Variants in ATP10B observed in about 807,000 individuals in gnomAD.
The protein encoded by ATP10B is ATPase phospholipid transporting 10B (putative), also known as phospholipid-transporting ATPase VB.
Under a neutral mutation model 141.2 loss-of-function variants are expected in ATP10B, and 122 were observed. The observed-to-expected ratio is 0.86, with a 90% CI of 0.75 to 1.00. ATP10B has a LOEUF of 1.00. Ranked by LOEUF, ATP10B falls within the 50% of genes least tolerant of loss-of-function variation. ATP10B has a pLI of 0.00. For synonymous variants in ATP10B, 685 were observed against 692.0 expected, an observed-to-expected ratio of 0.99 and a Z score of 0.16; for missense variants, 1,876 against 1,825.3, an observed-to-expected ratio of 1.03 and a Z score of -0.51.
intron 2 of ATP10B, 93 bp downstream of exon 2, chr5:160,785,466 G>A (rs1476578071): frequency 2.9e-6 from 1 of 342,930 alleles, no homozygotes; most frequent in East Asian, 8.7e-5. Flanking sequence ...TAGACTCAGA[G>A]GGTACATGTG....
intron 5 of ATP10B, 50 bp downstream of exon 5, chr5:160,687,750 A>G (rs1471363704): frequency 2.5e-6 from 4 of 1,570,428 alleles, no homozygotes; most frequent in Non-Finnish European, 2.6e-6. Flanking sequence ...GGGGAACAGA[A>G]TGAGACTCTT....
chr5:160,828,429 T>G (rs1197837767), intron 1 of ATP10B, among the ~76,000 whole-genome samples: 15 of 152,218 alleles, frequency 9.9e-5, no homozygotes, highest in Admixed American at 9.2e-4. Context: ...AAGAAGACAT[T>G]GATGCAGCCA....
At chr5:160,595,128 C>T in intron 22 of ATP10B, among the ~76,000 whole-genome samples, 1 of 152,122 alleles carries the variant, frequency 6.6e-6, no homozygotes, top group Non-Finnish European at 1.5e-5. Context: ...CAAAACTGAC[C>T]ACATAGTTGG....
the ATP10B span, among the ~76,000 whole-genome samples, chr5:160,857,339 A>G: frequency 1.3e-5 from 2 of 150,916 alleles, no homozygotes; most frequent in Non-Finnish European, 3.0e-5. Context: ...AGTTGTCTAT[A>G]TTATTTTCTT....
chr5:160,603,212 A>G (rs1421421537), intron 20 of ATP10B: 1 of 156,020 alleles, frequency 6.4e-6, no homozygotes, highest in African/African-American at 2.4e-5. Flanking sequence ...TTTTAAAAAC[A>G]TGAACACTGA....
chr5:160,595,744 T>C (rs984499729), intron 22 of ATP10B, among the ~76,000 whole-genome samples: 13 of 149,302 alleles, frequency 8.7e-5, no homozygotes, highest in African/African-American at 3.2e-4. Context: ...CAAACTACCA[T>C]CAGAAAATAC....
intron 2 of ATP10B, among the ~76,000 whole-genome samples, chr5:160,767,482 G>C (rs1262384630): frequency 2.0e-5 from 3 of 152,040 alleles, no homozygotes; most frequent in Non-Finnish European, 4.4e-5. Context: ...GCTATTTAAT[G>C]GTAATTCTGC....
chr5:160,593,612 C>T (rs1289101648), intron 22 of ATP10B, among the ~76,000 whole-genome samples: 1 of 152,112 alleles, frequency 6.6e-6, no homozygotes, highest in Admixed American at 6.5e-5. Context: ...CAAACTACTC[C>T]GAGCTACAGG....
intron 1 of ATP10B, among the ~76,000 whole-genome samples, chr5:160,803,922 C>T (rs1265904390): frequency 7.0e-6 from 1 of 143,634 alleles, no homozygotes; most frequent in African/African-American, 2.5e-5. Context: ...AGGAGGTCAA[C>T]ACAGATTTTT....
chr5:160,581,717 T>G (rs578205532), intron 24 of ATP10B, among the ~76,000 whole-genome samples: 1 of 152,306 alleles, frequency 6.6e-6, no homozygotes, highest in South Asian at 2.1e-4. Context: ...TAATATTCTG[T>G]CTTGTTGATC....
intron 2 of ATP10B, among the ~76,000 whole-genome samples, chr5:160,783,076 T>A (rs57047297): frequency 0.016 from 2,360 of 152,094 alleles, 56 homozygotes; most frequent in African/African-American, 0.054. Flanking sequence ...TTTGGTTACA[T>A]AAGTTCTTTA....
At chr5:160,863,542 C>G in the ATP10B span, among the ~76,000 whole-genome samples, 1 of 151,886 alleles carries the variant, frequency 6.6e-6, no homozygotes, top group Non-Finnish European at 1.5e-5. Context: ...TAATCTCTCA[C>G]CTCAAGAAAC....
At chr5:160,663,801 T>C (rs987798395) in intron 7 of ATP10B, among the ~76,000 whole-genome samples, 4 of 151,904 alleles carry the variant, frequency 2.6e-5, no homozygotes, top group African/African-American at 9.7e-5. Flanking sequence ...AAAAAAAATT[T>C]CCATTACAAA....
chr5:160,884,736 A>G, the ATP10B span, among the ~76,000 whole-genome samples: 1 of 152,226 alleles, frequency 6.6e-6, no homozygotes, highest in Admixed American at 6.5e-5. Flanking sequence ...AAGTTAATTT[A>G]AAGAAAAGTA....
At chr5:160,884,702 A>C in the ATP10B span, among the ~76,000 whole-genome samples, 223 of 152,268 alleles carry the variant, frequency 1.5e-3, 1 homozygote, top group African/African-American at 5.1e-3. Flanking sequence ...TATGGAAAAA[A>C]TATTTTTAAA....
intron 1 of ATP10B, among the ~76,000 whole-genome samples, chr5:160,819,894 T>C (rs1198408988): frequency 6.6e-6 from 1 of 152,040 alleles, no homozygotes; most frequent in Non-Finnish European, 1.5e-5. Flanking sequence ...CTTCATTTTA[T>C]GGCTATAAGT....
At chr5:160,584,083 A>G (rs989816600) in intron 24 of ATP10B, among the ~76,000 whole-genome samples, 4 of 152,046 alleles carry the variant, frequency 2.6e-5, no homozygotes, top group Non-Finnish European at 5.9e-5. Flanking sequence ...GTATGGAAAA[A>G]AAAAACAAAA....
At chr5:160,636,988 C>CCACT (rs1313878525) in intron 10 of ATP10B, among the ~76,000 whole-genome samples, 2 of 121,832 alleles carry the variant, frequency 1.6e-5, no homozygotes, top group East Asian at 3.0e-4. Flanking sequence ...CTCCATCCAC[C>CCACT]CACCCACCCA....
At chr5:160,661,654 A>C (rs1214955222) in intron 7 of ATP10B, among the ~76,000 whole-genome samples, 1 of 152,170 alleles carries the variant, frequency 6.6e-6, no homozygotes, top group Non-Finnish European at 1.5e-5. Context: ...ATATACTAAT[A>C]ATAAGAGCTA....
Sources: gnomAD v4.1 joint callset for allele counts (sites outside exome capture counted in the v4.1 genomes callset) on GRCh38, gnomAD v4.1.1 for gene constraint, MANE v1.5 for transcripts, NCBI Gene and HGNC (gene_info 2026-07-23, HGNC 2026-07-21) for gene names.